PRKN: variants seen among roughly 807,000 people sequenced by gnomAD.
PRKN encodes the protein E3 ubiquitin-protein ligase parkin.
In PRKN, 56 loss-of-function variants were observed where a neutral mutation model predicts 59.5. That is an observed-to-expected ratio of 0.94 (90% CI 0.76 to 1.18). The LOEUF (loss-of-function observed/expected upper bound fraction) is 1.18. Ranked by LOEUF, PRKN falls within the 50% of genes most tolerant of loss-of-function variation. The pLI, the probability that PRKN is intolerant of heterozygous loss-of-function variation, is 0.00. For synonymous variants in PRKN, 250 were observed against 222.1 expected, an observed-to-expected ratio of 1.13 and a Z score of -1.12; for missense variants, 657 against 596.4, an observed-to-expected ratio of 1.10 and a Z score of -1.06.
At chr6:161,950,407 T>C (rs192217531) in intron 6 of PRKN, among the ~76,000 whole-genome samples, 223 of 152,188 alleles carry the variant, frequency 1.5e-3, no homozygotes, top group African/African-American at 5.0e-3. Flanking sequence ...TAGCCAGGCG[T>C]GGTGGTAAGC....
chr6:162,170,710 C>G (rs928703465), intron 4 of PRKN, among the ~76,000 whole-genome samples: 1 of 152,144 alleles, frequency 6.6e-6, no homozygotes, highest in Non-Finnish European at 1.5e-5. Flanking sequence ...ACGATTAATG[C>G]TGGAAACAAC....
chr6:162,713,632 G>A (rs1035382433), intron 1 of PRKN, among the ~76,000 whole-genome samples: 8 of 151,886 alleles, frequency 5.3e-5, no homozygotes, highest in Non-Finnish European at 8.8e-5. Flanking sequence ...CCTACAATTA[G>A]GGTTCAAAAT....
At position 162,145,135 on chromosome 6, in the gene PRKN, T is replaced by C. The variant is rs2849614; in HGVS notation, c.534+55996A>G. On this transcript the variant is annotated intron_variant, in intron 4 of 11. Transcript: ENST00000366898. ...TATTACGGAAATTGAACTCTTCTGA[T>C]GATGATGGGTAAAAATAACCTTCAA... is the stretch of plus-strand genomic sequence containing the variant. Among the ~76,000 whole-genome samples the C allele has an allele frequency of 2.4e-4, 36 of 152,348 alleles. 2 individuals are homozygous for C. In the East Asian group the frequency reaches 6.4e-3, roughly 27 times the overall value.
At chr6:162,625,598 T>A (rs553772336) in intron 1 of PRKN, among the ~76,000 whole-genome samples, 7 of 152,266 alleles carry the variant, frequency 4.6e-5, no homozygotes, top group Admixed American at 1.3e-4. Flanking sequence ...TTTTCTACTC[T>A]GTATCTCCCT....
rs755930574 is a variant in PRKN at position 162,727,620 on chromosome 6, G to T, written c.7+42C>A. On this transcript the variant is annotated intron_variant, in intron 1 of 11. Transcript: ENST00000366898. Reference sequence around the variant, plus strand: ...GGGGCGTGGCGCCATACCGGGGCGTGGGGCGGCGCAGAGAGGCTGTACCTG... The same window carrying T: ...GGGGCGTGGCGCCATACCGGGGCGTTGGGCGGCGCAGAGAGGCTGTACCTG... 1.9e-6 allele frequency: 3 copies of T among 1,570,226 alleles called. 1 individual carries two copies. The highest frequency in any genetic ancestry group is 2.6e-6 in the Non-Finnish European group (3 of 1,156,132).
At chr6:161,486,291 A>G (rs1791640624) in intron 9 of PRKN, among the ~76,000 whole-genome samples, 2 of 152,094 alleles carry the variant, frequency 1.3e-5, no homozygotes, top group South Asian at 2.1e-4. Context: ...AATGCACTTT[A>G]TTAAACAGAA....
intron 2 of PRKN, among the ~76,000 whole-genome samples, chr6:162,306,665 T>A (rs1198920415): frequency 2.0e-5 from 3 of 152,214 alleles, no homozygotes; most frequent in African/African-American, 7.2e-5. Flanking sequence ...GCAACTACTA[T>A]GTGTCCGGTA....
chr6:161,410,190 G>A lies in PRKN; in HGVS notation c.1084-23313C>T, dbSNP rs1165775578. The stretch of plus-strand genomic sequence containing the variant: ...TGTGGCAGGGGGCCTGGGGCAGGTG[G>A]GTGGCCAGGAATCTGAAGGAGAGTG... On this transcript the variant is annotated intron_variant, in intron 9 of 11. Coordinates refer to ENST00000366898, the MANE Select transcript of PRKN (RefSeq NM_004562.3). This position sits in a 1 kb window ranked among gnomAD's most constrained non-coding sequence, Gnocchi z 5.3. Among the ~76,000 whole-genome samples the A allele has an allele frequency of 6.6e-6, 1 of 152,242 alleles. No individual in the cohort carries two copies. The highest frequency in any genetic ancestry group is 6.5e-5 in the Admixed American group (1 of 15,288).
rs776565367 is a variant in PRKN at position 161,360,581 on chromosome 6, A to G, written c.1168-376T>C. ...GATGTGAAGTGAGGATCTAGTTTTT[A>G]TTCCACATTGAGGATTCGATGGGTG... On this transcript the variant is annotated intron_variant, in intron 10 of 11. Coordinates refer to ENST00000366898, the MANE Select transcript of PRKN (RefSeq NM_004562.3). The surrounding 1 kb of genome is among the most constrained non-coding windows in gnomAD (Gnocchi z 5.1). 6.6e-6 allele frequency among the ~76,000 whole-genome samples: 1 copy of G among 152,176 alleles called. No individual in the cohort carries two copies. The highest frequency in any genetic ancestry group is 1.5e-5 in the Non-Finnish European group (1 of 68,000).
At chr6:162,171,863 T>C (rs1783295701) in intron 4 of PRKN, among the ~76,000 whole-genome samples, 1 of 152,214 alleles carries the variant, frequency 6.6e-6, no homozygotes, top group Non-Finnish European at 1.5e-5. Flanking sequence ...CGGACTTGCC[T>C]GTATTTGGGG....
intron 4 of PRKN, among the ~76,000 whole-genome samples, chr6:162,094,077 C>A (rs766562535): frequency 2.6e-5 from 4 of 152,084 alleles, no homozygotes; most frequent in African/African-American, 4.8e-5. Flanking sequence ...CTGAGCGAGG[C>A]AGCACGTCGA....
Position 161,468,368 on chromosome 6 carries a change from G to C in PRKN, c.1083+80486C>G, listed in dbSNP as rs1294357710. Among the ~76,000 whole-genome samples the C allele has an allele frequency of 6.6e-6, 1 of 151,930 alleles. No individual in the cohort carries two copies. Among genetic ancestry groups the C allele is most frequent in the African/African-American group, 2.4e-5 (1 of 41,410 alleles). ...ACTACGCCAGGTGTAGACAGGAAGA[G>C]AGAAGAGGCAGTGGGTCTGGGAAAA... is the stretch of plus-strand genomic sequence containing the variant. On this transcript the variant is annotated intron_variant, in intron 9 of 11. Coordinates refer to ENST00000366898, the MANE Select transcript of PRKN (RefSeq NM_004562.3). This position sits in a 1 kb window ranked among gnomAD's most constrained non-coding sequence, Gnocchi z 5.9.
At chr6:161,687,071 A>T (rs1258145970) in intron 7 of PRKN, among the ~76,000 whole-genome samples, 1 of 152,156 alleles carries the variant, frequency 6.6e-6, no homozygotes, top group Non-Finnish European at 1.5e-5. Context: ...TAGAAATGGA[A>T]TGGACAATCC....
At chr6:161,426,255 T>C (rs1447082444) in intron 9 of PRKN, among the ~76,000 whole-genome samples, 2 of 152,192 alleles carry the variant, frequency 1.3e-5, no homozygotes, top group Non-Finnish European at 2.9e-5. Flanking sequence ...GCTATTGTGA[T>C]GGTTAATACT....
chr6:162,135,394 G>C (rs1781527267), intron 4 of PRKN, among the ~76,000 whole-genome samples: 1 of 152,132 alleles, frequency 6.6e-6, no homozygotes. Flanking sequence ...ATTGAATATG[G>C]AATCTGAGAA....
Position 162,653,332 on chromosome 6 carries a change from G to GTA in PRKN, c.7+74329_7+74330insTA, listed in dbSNP as rs539394165. ...GGAGTTTGTGTTTGTGTGTGTGTGT[G>GTA]TTTGTGTGCGTGTCTGTGTGTGTGT... is the stretch of plus-strand genomic sequence containing the variant. On this transcript the variant is annotated intron_variant, in intron 1 of 11. Coordinates refer to ENST00000366898, the MANE Select transcript of PRKN (RefSeq NM_004562.3). 3.5e-3 allele frequency among the ~76,000 whole-genome samples: 536 copies of GTA among 152,196 alleles called. 3 individuals are homozygous for GTA. Among genetic ancestry groups the GTA allele is most frequent in the African/African-American group, 0.013 (526 of 41,532 alleles).
intron 4 of PRKN, among the ~76,000 whole-genome samples, chr6:162,137,033 G>C (rs1380929530): frequency 6.6e-6 from 1 of 151,774 alleles, no homozygotes; most frequent in Non-Finnish European, 1.5e-5. Flanking sequence ...TATAGAAAAA[G>C]GATTTATCTT....
intron 9 of PRKN, among the ~76,000 whole-genome samples, chr6:161,437,084 C>T (rs1788947093): frequency 6.6e-6 from 1 of 152,144 alleles, no homozygotes; most frequent in South Asian, 2.1e-4. Context: ...TTTTTTCCTA[C>T]ACATACATGC....
intron 9 of PRKN, among the ~76,000 whole-genome samples, chr6:161,477,554 G>T (rs1276679999): frequency 1.3e-5 from 2 of 151,490 alleles, no homozygotes; most frequent in African/African-American, 4.8e-5. Context: ...TTAGGATAAG[G>T]TTAATGAATC....
Sources: gnomAD v4.1 joint callset for allele counts (sites outside exome capture counted in the v4.1 genomes callset) on GRCh38, gnomAD v4.1.1 for gene constraint, Gnocchi (gnomAD v3.1) non-coding constraint, MANE v1.5 for transcripts, NCBI Gene and HGNC (gene_info 2026-07-23, HGNC 2026-07-21) for gene names.